The following ABCB4 variants were observed in gnomAD, a reference collection of about 807,000 sequenced individuals.
ABCB4 encodes the protein ATP binding cassette subfamily B member 4.
In ABCB4, 76 loss-of-function variants were observed where a neutral mutation model predicts 145.7. The ratio of observed to expected loss-of-function variants is 0.52; its 90% confidence interval spans 0.43 to 0.63. ABCB4 has a LOEUF of 0.63. Among genes scored for constraint, ABCB4 ranks in the 30% least tolerant of loss-of-function variants. ABCB4 has a pLI of 0.00. For synonymous variants in ABCB4, 517 were observed against 566.8 expected (o/e 0.91, Z 1.25); for missense variants, 1,234 against 1,553.1 (o/e 0.79, Z 3.45).
chr7:87,419,397 A>G (rs771239987), intron 19 of ABCB4, among the ~76,000 whole-genome samples: 4 of 152,222 alleles, frequency 2.6e-5, no homozygotes, highest in Non-Finnish European at 4.4e-5. Context: ...ATATTTTCCT[A>G]TGTCAGGCAC....
chr7:87,380,395 G>A, the ABCB4 span, among the ~76,000 whole-genome samples: 2 of 151,372 alleles, frequency 1.3e-5, no homozygotes, highest in African/African-American at 4.9e-5. Flanking sequence ...TAGATCCTTG[G>A]TAAGTACTGT....
chr7:87,451,911 C>A, intron 6 of ABCB4, 117 bp from the exon 7 acceptor site: 3 of 941,142 alleles, frequency 3.2e-6, no homozygotes, highest in Non-Finnish European at 3.5e-6. Context: ...AAGCCTCTTT[C>A]AGAGTCTTAG....
At chr7:87,372,871 T>C in the ABCB4 span, among the ~76,000 whole-genome samples, 3 of 152,116 alleles carry the variant, frequency 2.0e-5, no homozygotes. Context: ...GACATTTGAG[T>C]TGTTTCTACT....
At chr7:87,405,958 A>C (rs1398866275) in intron 26 of ABCB4, 1 of 385,968 alleles carries the variant, frequency 2.6e-6, no homozygotes, top group Non-Finnish European at 4.9e-6. Flanking sequence ...ATTACATGTA[A>C]ATCCATAATT....
rs757571888 is a variant in ABCB4, at chr7:87,408,113, A to C, written c.3203T>G (p.Val1068Gly). The part of the protein sequence containing the change: ...EVKKGQTLAL[V>G]GSSGCGKSTV... ...GCTCTTCCCACAGCCACTGCTGCCC[A>C]CCAGGGCTAGTGTCTGGCCTTTCTT... The change falls in exon 25 of 28, where the codon GTG becomes GGG. Residue 1068 changes from valine (V) to glycine (G), a missense_variant. Transcript: ENST00000649586. 6.2e-7 allele frequency: 1 copy of C among 1,614,084 alleles called. No individual in the cohort carries two copies. The highest frequency in any genetic ancestry group is 1.1e-5 in the South Asian group (1 of 91,088).
chr7:87,420,715 A>C (rs566577235), intron 18 of ABCB4, among the ~76,000 whole-genome samples: 4 of 152,332 alleles, frequency 2.6e-5, no homozygotes, highest in African/African-American at 9.6e-5. Flanking sequence ...CAAAGCCCCC[A>C]CGTCAAATTC....
chr7:87,372,007 CAA>C, the ABCB4 span, among the ~76,000 whole-genome samples: 78 of 123,982 alleles, frequency 6.3e-4, no homozygotes, highest in Non-Finnish European at 9.6e-4. Flanking sequence ...AAAAAAAAAA[CAA>C]AAAAAAAAAA....
intron 5 of ABCB4, among the ~76,000 whole-genome samples, chr7:87,454,162 A>G (rs1317623316): frequency 6.6e-6 from 1 of 152,242 alleles, no homozygotes; most frequent in African/African-American, 2.4e-5. Context: ...GCAGACATAC[A>G]AACATCATGC....
At chr7:87,376,153 T>C in the ABCB4 span, among the ~76,000 whole-genome samples, 1 of 152,214 alleles carries the variant, frequency 6.6e-6, no homozygotes, top group Middle Eastern at 3.4e-3. Flanking sequence ...TTTAAGTTTG[T>C]TTAGCTATAT....
intron 14 of ABCB4, among the ~76,000 whole-genome samples, chr7:87,434,736 G>A (rs966593168): frequency 2.0e-5 from 3 of 148,416 alleles, no homozygotes. Flanking sequence ...GACAGAGCGA[G>A]ACTCCGTCTC....
rs188399670 is a variant in ABCB4 at position 87,437,930 on chromosome 7, C to T, written c.1731+1737G>A. ...GAGTGTGCTATGATCCTATAGAACA[C>T]GAAGAAACAGCTAAAATTGAATGAA... On this transcript the variant is annotated intron_variant, in intron 14 of 27. Coordinates refer to ENST00000649586, the MANE Select transcript of ABCB4 (RefSeq NM_000443.4). Among the ~76,000 whole-genome samples, 9 of 152,198 alleles carry T rather than the reference C, an allele frequency of 5.9e-5. No homozygotes were observed. The East Asian group carries it at 1.3e-3, about 23-fold the overall frequency.
intron 26 of ABCB4, among the ~76,000 whole-genome samples, chr7:87,404,253 TAACC>T (rs1351294143): frequency 2.6e-5 from 4 of 152,182 alleles, no homozygotes; most frequent in Non-Finnish European, 5.9e-5. Context: ...TACGTCAGTG[TAACC>T]CAGTGGAACC....
chr7:87,370,354 T>C, the ABCB4 span, among the ~76,000 whole-genome samples: 2 of 152,106 alleles, frequency 1.3e-5, no homozygotes, highest in African/African-American at 4.8e-5. Context: ...AGCTAATTAT[T>C]GTATTTTTAG....
At chr7:87,375,781 A>T in the ABCB4 span, 1 of 1,612,136 alleles carries the variant, frequency 6.2e-7, no homozygotes, top group African/African-American at 1.3e-5. Flanking sequence ...CTTTTGATGT[A>T]TTGTATTTCA....
At chr7:87,398,607 A>G, downstream of ABCB4, 2 of 1,613,778 alleles carry the variant, frequency 1.2e-6, no homozygotes, top group Non-Finnish European at 1.7e-6. Context: ...TGTGCTTTTC[A>G]TGATATGATA....
At chr7:87,368,126 T>A in the ABCB4 span, among the ~76,000 whole-genome samples, 1 of 152,188 alleles carries the variant, frequency 6.6e-6, no homozygotes, top group East Asian at 1.9e-4. Flanking sequence ...TTTAAGCAGA[T>A]CAACTCATGT....
downstream of ABCB4, among the ~76,000 whole-genome samples, chr7:87,401,372 T>C (rs556573097): frequency 1.3e-5 from 2 of 152,298 alleles, no homozygotes; most frequent in South Asian, 2.1e-4. Flanking sequence ...ATACCTTTCA[T>C]TGTAGGAAAA....
At chr7:87,441,608 G>A (rs1810997074) in intron 12 of ABCB4, among the ~76,000 whole-genome samples, 1 of 149,980 alleles carries the variant, frequency 6.7e-6, no homozygotes, top group Non-Finnish European at 1.5e-5. Context: ...TAGAGACAGA[G>A]TTTCATTCTG....
the ABCB4 span, among the ~76,000 whole-genome samples, chr7:87,366,490 T>A: frequency 6.6e-6 from 1 of 152,200 alleles, no homozygotes; most frequent in Non-Finnish European, 1.5e-5. Flanking sequence ...TCAGTCATAT[T>A]CTTGATGATT....
Sources: gnomAD v4.1 joint callset for allele counts (sites outside exome capture counted in the v4.1 genomes callset) on GRCh38, gnomAD v4.1.1 for gene constraint, MANE v1.5 for transcripts, NCBI Gene and HGNC (gene_info 2026-07-23, HGNC 2026-07-21) for gene names.